The following PTGES2 variants were observed in gnomAD, a reference collection of about 807,000 sequenced individuals.
PTGES2 encodes the protein prostaglandin E synthase 2.
PTGES2 carries 35 observed loss-of-function variants against 44.5 expected under a neutral mutation model. That is an observed-to-expected ratio of 0.79 (90% confidence interval 0.60 to 1.04). PTGES2 has a LOEUF of 1.04. Among genes scored for constraint, PTGES2 ranks in the 50% least tolerant of loss-of-function variants. PTGES2 has a pLI of 0.00. For missense variants in PTGES2, 517 were observed against 521.4 expected, an observed-to-expected ratio of 0.99 and a Z score of 0.08; for synonymous variants, 221 against 227.5, an observed-to-expected ratio of 0.97 and a Z score of 0.26.
chr9:128,122,556 G>A, intron 5 of PTGES2, 77 bp from the exon 6 acceptor site: 1 of 1,286,642 alleles, frequency 7.8e-7, no homozygotes, highest in Non-Finnish European at 1.1e-6. Context: ...CCTCTGGGGA[G>A]AGGGGGGAGG....
intron 2 of PTGES2, 64 bp downstream of exon 2, chr9:128,125,180 C>A: frequency 1.4e-6 from 2 of 1,464,260 alleles, no homozygotes; most frequent in Non-Finnish European, 1.9e-6. Flanking sequence ...CCAGGCCAGG[C>A]TAGGGGGCGC....
intron 1 of PTGES2, among the ~76,000 whole-genome samples, chr9:128,126,858 C>CTT (rs1491522184): frequency 0.017 from 577 of 34,618 alleles, 3 homozygotes; most frequent in South Asian, 0.031. Context: ...AAAAAAAACT[C>CTT]CGTCTCAAAA....
chr9:128,128,109 T>C, upstream of PTGES2: 1 of 357,248 alleles, frequency 2.8e-6, no homozygotes, highest in Non-Finnish European at 5.5e-6. Context: ...CTTCCTAGAG[T>C]CAGTACAGGC....
At chr9:128,127,109 G>A (rs755431897) in intron 1 of PTGES2, among the ~76,000 whole-genome samples, 3 of 145,124 alleles carry the variant, frequency 2.1e-5, no homozygotes, top group East Asian at 4.1e-4. Context: ...AACCTGGGAG[G>A]CAGAGGCTGC....
Position 128,127,347 on chromosome 9 carries a change from C to T in PTGES2, c.279+92G>A, listed in dbSNP as rs1476987811. The stretch of plus-strand genomic sequence containing the variant: ...CAAGTCACTCGCCCAAGGTCACAAG[C>T]AGGCAGAGGCAACTCCTGACCCTGC... On this transcript the variant is annotated intron_variant, in intron 1 of 6. Transcript: ENST00000338961. 11 of 1,139,382 alleles carry T rather than the reference C, an allele frequency of 9.7e-6. No individual in the cohort carries two copies. In the African/African-American group the frequency reaches 1.6e-4, roughly 17 times the overall value. The allele number at this position is 1,139,382 out of a possible 1,614,324, so 70.6% of individuals were successfully genotyped here.
At chr9:128,122,670 G>A (rs1451334774) in intron 5 of PTGES2, 191 bp from the exon 6 acceptor site, 2 of 634,296 alleles carry the variant, frequency 3.2e-6, no homozygotes, top group Non-Finnish European at 5.5e-6. Context: ...AAGAGACCAG[G>A]CCAGGGAGAA....
rs1834400214 is a variant in PTGES2, at chr9:128,121,264, C to T, written c.1015G>A (p.Gly339Ser). 6.2e-7 allele frequency: 1 copy of T among 1,607,538 alleles called. No homozygotes were observed. The highest frequency in any genetic ancestry group is 1.7e-5 in the Admixed American group (1 of 59,532). The change falls in exon 7 of 7, where the codon GGC becomes AGC. Residue 339 changes from glycine to serine, a missense_variant. Transcript: ENST00000338961. Reference protein sequence around the residue: ...KPNLADLAVYGVLRVMEGLDA... With the variant: ...KPNLADLAVYSVLRVMEGLDA... Reference sequence around the variant, plus strand: ...AGCCCCTCCATCACACGCAGCACGCCATACACCGCCTGGGGCACGAACAGA... The same window carrying T: ...AGCCCCTCCATCACACGCAGCACGCTATACACCGCCTGGGGCACGAACAGA...
At chr9:128,121,395 C>T in intron 6 of PTGES2, 122 bp from the exon 7 acceptor site, 1 of 1,215,324 alleles carries the variant, frequency 8.2e-7, no homozygotes, top group Non-Finnish European at 1.1e-6. Flanking sequence ...GTGACCCACT[C>T]AAGGGCCAAC....
At position 128,123,161 on chromosome 9, in the gene PTGES2, G is replaced by A; in HGVS notation, c.687-27C>T. 6.2e-7 allele frequency: 1 copy of A among 1,600,196 alleles called. No individual in the cohort carries two copies. The highest frequency in any genetic ancestry group is 1.1e-5 in the South Asian group (1 of 90,740). On this transcript the variant is annotated intron_variant, in intron 4 of 6. Transcript: ENST00000338961. This position sits in a 1 kb window ranked among gnomAD's most constrained non-coding sequence, Gnocchi z 4.4. ...TGCGGGCACGGGAGGGACTTCCTAA[G>A]CCAGGACCCGGGCTGTGTTGGGAGC...
intron 5 of PTGES2, 125 bp from the exon 6 acceptor site, chr9:128,122,604 C>T (rs1834458140): frequency 1.3e-6 from 1 of 764,840 alleles, no homozygotes; most frequent in South Asian, 1.6e-5. Context: ...GAGAGCATCA[C>T]ATCTGCAGAC....
At chr9:128,121,777 G>C (rs1834418841) in intron 6 of PTGES2, among the ~76,000 whole-genome samples, 1 of 152,178 alleles carries the variant, frequency 6.6e-6, no homozygotes, top group Admixed American at 6.5e-5. Flanking sequence ...GCCGGGCATG[G>C]TGGCACAGGC....
At chr9:128,124,652 T>C (rs771500401) in intron 2 of PTGES2, 102 bp from the exon 3 acceptor site, 57 of 1,356,280 alleles carry the variant, frequency 4.2e-5, no homozygotes, top group Non-Finnish European at 5.0e-5. Context: ...TATCCATTCC[T>C]GGGGACATGC....
chr9:128,124,353 G>T, intron 3 of PTGES2, 139 bp downstream of exon 3: 1 of 658,932 alleles, frequency 1.5e-6, no homozygotes, highest in Non-Finnish European at 2.6e-6. Context: ...CAAAGTGCTG[G>T]GATTACAGGT....
upstream of PTGES2, chr9:128,128,438 G>A: frequency 2.3e-6 from 1 of 443,538 alleles, no homozygotes; most frequent in Non-Finnish European, 4.5e-6. Flanking sequence ...ACAGCCCCGG[G>A]ATGGCCCCGC....
chr9:128,125,822 C>T (rs1488997642), intron 1 of PTGES2, among the ~76,000 whole-genome samples: 2 of 152,360 alleles, frequency 1.3e-5, no homozygotes, highest in South Asian at 2.1e-4. Context: ...TTCACTCTCA[C>T]TCCTCTAACC....
chr9:128,128,005 C>T (rs1158097745), upstream of PTGES2: 4 of 409,496 alleles, frequency 9.8e-6, no homozygotes, highest in South Asian at 3.3e-5. Context: ...AACGTCTCCT[C>T]GCCCCACCTT....
intron 2 of PTGES2, chr9:128,124,984 C>A: frequency 1.3e-6 from 1 of 783,462 alleles, no homozygotes; most frequent in Non-Finnish European, 1.9e-6. Flanking sequence ...CACCTCAAAC[C>A]CAGATCGCTG....
chr9:128,122,913 C>T (rs199508282), intron 5 of PTGES2, 21 bp downstream of exon 5: 58 of 1,612,464 alleles, frequency 3.6e-5, no homozygotes, highest in Non-Finnish European at 4.6e-5. Context: ...CAGCAGGCCC[C>T]GGATGTGCAC....
chr9:128,123,200 T>C lies in PTGES2; in HGVS notation c.687-66A>G. On this transcript the variant is annotated intron_variant, in intron 4 of 6. Transcript: ENST00000338961. This position sits in a 1 kb window ranked among gnomAD's most constrained non-coding sequence, Gnocchi z 4.4. ...TGTGTTGGGAGCAGGCTGCATTCTC[T>C]AGAACATACCCACTGCACGGGCGGG... 6.7e-7 allele frequency: 1 copy of C among 1,490,640 alleles called. No homozygotes were observed. The allele number at this position is 1,490,640 out of a possible 1,614,324, so 92.3% of individuals were successfully genotyped here. A position where few individuals can be genotyped will look rare whatever the true frequency, so the allele number is the denominator to read the frequency against.
Sources: gnomAD v4.1 joint callset for allele counts (sites outside exome capture counted in the v4.1 genomes callset) on GRCh38, gnomAD v4.1.1 for gene constraint, Gnocchi (gnomAD v3.1) non-coding constraint, MANE v1.5 for transcripts, NCBI Gene and HGNC (gene_info 2026-07-23, HGNC 2026-07-21) for gene names.